The following AGBL1 variants were observed in gnomAD, a reference collection of about 807,000 sequenced individuals.
AGBL1 encodes AGBL carboxypeptidase 1.
AGBL1 carries 130 observed loss-of-function variants against 118.9 expected under a neutral mutation model. The observed-to-expected ratio is 1.09, with a 90% CI of 0.95 to 1.26. The LOEUF (loss-of-function observed/expected upper bound fraction) is 1.26, where lower values mean the gene tolerates loss of function less well. AGBL1 is among the 50% of genes most tolerant of loss of function. The probability of loss-of-function intolerance (pLI) is 0.00; values close to 1 mark genes in which losing one functional copy is unlikely to be tolerated. For synonymous variants in AGBL1, 555 were observed against 478.9 expected (o/e 1.16, Z -2.08); for missense variants, 1,584 against 1,298.1 (o/e 1.22, Z -3.38).
chr15:86,189,156 T>G (rs929664205), intron 5 of AGBL1, among the ~76,000 whole-genome samples: 2 of 152,210 alleles, frequency 1.3e-5, no homozygotes, highest in Non-Finnish European at 2.9e-5. Context: ...ATTTCACAAG[T>G]TTAGATGACT....
intron 17 of AGBL1, among the ~76,000 whole-genome samples, chr15:86,325,670 C>T (rs2080173286): frequency 6.6e-6 from 1 of 152,172 alleles, no homozygotes; most frequent in South Asian, 2.1e-4. Context: ...TTCCATCCCC[C>T]TAGCAAGGTG....
chr15:86,741,997 A>AT (rs2077686715), intron 22 of AGBL1, among the ~76,000 whole-genome samples: 1 of 149,030 alleles, frequency 6.7e-6, no homozygotes, highest in African/African-American at 2.5e-5. Flanking sequence ...TTTTTAAACT[A>AT]TGAGTGGCTT....
chr15:86,509,146 A>G (rs1333959813), intron 18 of AGBL1, among the ~76,000 whole-genome samples: 2 of 152,166 alleles, frequency 1.3e-5, no homozygotes, highest in Non-Finnish European at 2.9e-5. Flanking sequence ...TGACACGCAC[A>G]TACACTTTTC....
chr15:86,105,262 C>A (rs908406065), intron 1 of AGBL1: 1 of 152,184 alleles, frequency 6.6e-6, no homozygotes, highest in Non-Finnish European at 1.5e-5. Context: ...GCTCTTCAAT[C>A]ACCCAATGTT....
chr15:87,023,725 A>ATGAT (rs1428069004), intron 24 of AGBL1, among the ~76,000 whole-genome samples: 1 of 152,112 alleles, frequency 6.6e-6, no homozygotes, highest in Admixed American at 6.6e-5. Context: ...GAAAGACCAT[A>ATGAT]TGATAGACCA....
intron 23 of AGBL1, among the ~76,000 whole-genome samples, chr15:86,950,397 A>G (rs2080867549): frequency 6.6e-6 from 1 of 151,274 alleles, no homozygotes; most frequent in Non-Finnish European, 1.5e-5. Flanking sequence ...ACCAAGAGTT[A>G]AAAAAATACT....
At chr15:86,942,509 C>T (rs549739665) in intron 23 of AGBL1, among the ~76,000 whole-genome samples, 1 of 152,318 alleles carries the variant, frequency 6.6e-6, no homozygotes, top group East Asian at 1.9e-4. Flanking sequence ...CTCATGGACT[C>T]TCACTCAGTT....
chr15:86,267,591 C>T (rs1214397061), intron 13 of AGBL1, among the ~76,000 whole-genome samples: 1 of 152,128 alleles, frequency 6.6e-6, no homozygotes, highest in Non-Finnish European at 1.5e-5. Flanking sequence ...GATGCAGTAC[C>T]ATGCCTCTCT....
At chr15:86,586,161 C>T (rs988345317) in intron 21 of AGBL1, among the ~76,000 whole-genome samples, 1 of 152,164 alleles carries the variant, frequency 6.6e-6, no homozygotes, top group South Asian at 2.1e-4. Context: ...AATAATAAAT[C>T]CCCCTCTCTC....
At chr15:86,379,446 AAT>A (rs2081083883) in intron 17 of AGBL1, among the ~76,000 whole-genome samples, 1 of 152,194 alleles carries the variant, frequency 6.6e-6, no homozygotes, top group Non-Finnish European at 1.5e-5. Context: ...TGGCCATACC[AAT>A]AATGTATTCA....
chr15:86,428,898 T>C (rs995993445), intron 18 of AGBL1, among the ~76,000 whole-genome samples: 1 of 152,174 alleles, frequency 6.6e-6, no homozygotes, highest in Non-Finnish European at 1.5e-5. Context: ...GAAAAAATAA[T>C]GGAAAGGTTT....
intron 21 of AGBL1, among the ~76,000 whole-genome samples, chr15:86,653,424 C>A (rs1444843915): frequency 6.6e-6 from 1 of 152,166 alleles, no homozygotes. Flanking sequence ...CCTAGCAGGA[C>A]TTTTTGCACT....
intron 22 of AGBL1, among the ~76,000 whole-genome samples, chr15:86,804,991 G>C (rs140550126): frequency 1.5e-3 from 228 of 152,172 alleles, no homozygotes; most frequent in African/African-American, 5.2e-3. Context: ...CGGGGAGTGA[G>C]CAGGGTCCCG....
At chr15:86,703,394 G>A (rs1303729961) in intron 22 of AGBL1, among the ~76,000 whole-genome samples, 1 of 152,114 alleles carries the variant, frequency 6.6e-6, no homozygotes, top group East Asian at 1.9e-4. Context: ...GTGCTTTTAG[G>A]TGAGTTGTTT....
intron 18 of AGBL1, among the ~76,000 whole-genome samples, chr15:86,476,930 C>T (rs1249391200): frequency 6.6e-6 from 1 of 152,210 alleles, no homozygotes; most frequent in African/African-American, 2.4e-5. Flanking sequence ...AAGAAACTCA[C>T]TCAAAACTGC....
intron 5 of AGBL1, among the ~76,000 whole-genome samples, chr15:86,162,132 C>T (rs2077275158): frequency 6.6e-6 from 1 of 152,036 alleles, no homozygotes; most frequent in East Asian, 1.9e-4. Context: ...TAAGACATAC[C>T]CAAATGAATT....
intron 1 of AGBL1, among the ~76,000 whole-genome samples, chr15:86,110,855 A>G (rs985950237): frequency 1.3e-5 from 2 of 152,182 alleles, no homozygotes; most frequent in Non-Finnish European, 2.9e-5. Flanking sequence ...TTGTTCCTGC[A>G]TTAAATACCA....
chr15:86,132,738 C>T (rs192741894), intron 1 of AGBL1, among the ~76,000 whole-genome samples: 11 of 152,216 alleles, frequency 7.2e-5, no homozygotes, highest in East Asian at 3.9e-4. Flanking sequence ...ACGAACGTGC[C>T]GGGCATTGTT....
At chr15:86,861,879 T>A (rs1187390122) in intron 22 of AGBL1, among the ~76,000 whole-genome samples, 1 of 152,182 alleles carries the variant, frequency 6.6e-6, no homozygotes, top group Admixed American at 6.5e-5. Flanking sequence ...TCACAAAAAA[T>A]AAACGCAATT....
Sources: allele counts gnomAD v4.1 joint callset (sites outside exome capture counted in the v4.1 genomes callset), GRCh38; gene constraint gnomAD v4.1.1; transcripts MANE v1.5; gene names NCBI Gene and HGNC (gene_info 2026-07-23, HGNC 2026-07-21).